Variants in DNAH9 observed in about 807,000 individuals in gnomAD.
The protein encoded by DNAH9 is dynein axonemal heavy chain 9.
In DNAH9, 345 loss-of-function variants were observed where a neutral mutation model predicts 471.6. The observed-to-expected ratio is 0.73, with a 90% CI of 0.67 to 0.80. The LOEUF is 0.80. Among genes scored for constraint, DNAH9 ranks in the 30% least tolerant of loss-of-function variants. The pLI is 0.00. For synonymous variants in DNAH9, 2,093 were observed against 2,123.6 expected (o/e 0.99, Z 0.40); for missense variants, 5,407 against 5,609.2 (o/e 0.96, Z 1.15).
chr17:11,827,943 T>C (rs1488302208), intron 48 of DNAH9, among the ~76,000 whole-genome samples: 7 of 152,020 alleles, frequency 4.6e-5, no homozygotes, highest in Non-Finnish European at 1.0e-4. Context: ...CCTTGGTTCT[T>C]TTTACTCTCC....
chr17:11,619,768 T>G lies in DNAH9; in HGVS notation c.1337T>G (p.Leu446Arg). ...FVRLDGFLGQ[L>R]HVVEGLLKTA... ...CGATTGGATGGCTTCCTGGGACAACTGCACGTGGTGGAGGTGAGTGCGCAC... is the reference window on the plus strand; with the variant it reads ...CGATTGGATGGCTTCCTGGGACAACGGCACGTGGTGGAGGTGAGTGCGCAC... Residue 446 changes from leucine to arginine, a missense_variant, in exon 6 of 69, where the codon CTG becomes CGG. Leu to Arg is a moderately radical substitution (Grantham distance 102, BLOSUM62 -2). Around this residue, in one of 3 missense-constraint regions of DNAH9, gnomAD observed 767 missense variants for 692.5 expected, o/e 1.11. Transcript: ENST00000262442. 6.2e-7 allele frequency: 1 copy of G among 1,606,616 alleles called. No homozygotes were observed. The highest frequency in any genetic ancestry group is 8.5e-7 in the Non-Finnish European group (1 of 1,173,194).
intron 38 of DNAH9, among the ~76,000 whole-genome samples, chr17:11,778,919 T>C (rs1968565859): frequency 6.6e-6 from 1 of 151,934 alleles, no homozygotes; most frequent in African/African-American, 2.4e-5. Context: ...GGCAGGAGAA[T>C]TGCTTGAACC....
intron 42 of DNAH9, 104 bp from the exon 43 acceptor site, chr17:11,797,493 C>T (rs146723555): frequency 3.3e-6 from 3 of 899,062 alleles, no homozygotes; most frequent in African/African-American, 3.4e-5. Context: ...AGCACTGATG[C>T]CTAATTTCCA....
chr17:11,704,942 G>A, intron 25 of DNAH9, 83 bp from the exon 26 acceptor site: 1 of 1,128,304 alleles, frequency 8.9e-7, no homozygotes, highest in Non-Finnish European at 1.3e-6. Context: ...AACAGCCAAG[G>A]CATCAGACCC....
chr17:11,662,638 C>T (rs995529932), intron 14 of DNAH9, among the ~76,000 whole-genome samples: 1 of 147,258 alleles, frequency 6.8e-6, no homozygotes, highest in African/African-American at 2.4e-5. Context: ...TGTTGGAGGC[C>T]ACTTGAATGC....
chr17:11,712,008 ATATATT>A (rs1567740654), intron 26 of DNAH9, among the ~76,000 whole-genome samples: 1 of 18,524 alleles, frequency 5.4e-5, no homozygotes, highest in Admixed American at 1.2e-3. Flanking sequence ...ATATTTGTAT[ATATATT>A]TATATATAAA....
chr17:11,748,388 T>C (rs1966988234), intron 32 of DNAH9, among the ~76,000 whole-genome samples: 1 of 152,146 alleles, frequency 6.6e-6, no homozygotes, highest in Non-Finnish European at 1.5e-5. Flanking sequence ...CTCTGGAGTA[T>C]GAGCCGTGGT....
intron 6 of DNAH9, among the ~76,000 whole-genome samples, chr17:11,620,977 A>G (rs58530114): frequency 0.015 from 2,292 of 152,302 alleles, 66 homozygotes; most frequent in African/African-American, 0.053. Flanking sequence ...TTCAATTCTC[A>G]AAACTTAATA....
At chr17:11,837,944 C>T (rs1970901304) in intron 49 of DNAH9, among the ~76,000 whole-genome samples, 1 of 152,176 alleles carries the variant, frequency 6.6e-6, no homozygotes, top group African/African-American at 2.4e-5. Context: ...TGGTTCCCCA[C>T]TCTTCTTTCA....
chr17:11,875,543 A>T (rs2150989467), intron 53 of DNAH9, among the ~76,000 whole-genome samples: 1 of 152,302 alleles, frequency 6.6e-6, no homozygotes, highest in South Asian at 2.1e-4. Context: ...CCTTAGCTAA[A>T]GCTGCCTCCC....
At chr17:11,678,097 C>A (rs1457430603) in intron 17 of DNAH9, among the ~76,000 whole-genome samples, 1 of 151,794 alleles carries the variant, frequency 6.6e-6, no homozygotes, top group African/African-American at 2.4e-5. Context: ...GCTCTGTCGC[C>A]CAGGCTGGAG....
At chr17:11,774,602 C>T (rs1363502455) in intron 38 of DNAH9, among the ~76,000 whole-genome samples, 1 of 152,114 alleles carries the variant, frequency 6.6e-6, no homozygotes, top group African/African-American at 2.4e-5. Flanking sequence ...ACAGGAAACC[C>T]GTCCTCATGA....
intron 68 of DNAH9, among the ~76,000 whole-genome samples, chr17:11,969,065 G>T (rs1462232993): frequency 6.6e-6 from 1 of 152,184 alleles, no homozygotes; most frequent in Non-Finnish European, 1.5e-5. Flanking sequence ...ATTTGTATAT[G>T]ATAATAGCTT....
chr17:11,725,259 C>T (rs1287578931), intron 27 of DNAH9, among the ~76,000 whole-genome samples: 1 of 152,198 alleles, frequency 6.6e-6, no homozygotes, highest in Admixed American at 6.5e-5. Context: ...CTGGAACTTC[C>T]ATCACCTCCT....
At chr17:11,899,899 A>G (rs1973349383) in intron 59 of DNAH9, among the ~76,000 whole-genome samples, 2 of 152,198 alleles carry the variant, frequency 1.3e-5, no homozygotes, top group African/African-American at 4.8e-5. Flanking sequence ...AAGGCGTACA[A>G]AGAGGCCTAC....
intron 50 of DNAH9, among the ~76,000 whole-genome samples, chr17:11,860,150 G>A (rs1290825017): frequency 6.6e-6 from 1 of 152,158 alleles, no homozygotes; most frequent in East Asian, 1.9e-4. Context: ...CTGTGAACGT[G>A]TCTATATTGT....
chr17:11,964,280 G>A (rs1976500486), intron 68 of DNAH9, among the ~76,000 whole-genome samples: 1 of 152,116 alleles, frequency 6.6e-6, no homozygotes, highest in East Asian at 1.9e-4. Flanking sequence ...CCTAGAGCAA[G>A]CCACAGCTAT....
intron 5 of DNAH9, among the ~76,000 whole-genome samples, 183 bp downstream of exon 5, chr17:11,617,805 A>G (rs774522802): frequency 6.6e-6 from 1 of 152,194 alleles, no homozygotes; most frequent in Non-Finnish European, 1.5e-5. Context: ...CATTTTCAGT[A>G]ATATTAGAAC....
intron 67 of DNAH9, among the ~76,000 whole-genome samples, chr17:11,948,364 A>G (rs1202855344): frequency 1.3e-5 from 2 of 150,574 alleles, no homozygotes; most frequent in Non-Finnish European, 2.9e-5. Context: ...AAGTAGCTGG[A>G]ATTACAGGTG....
Sources: gnomAD v4.1 joint callset for allele counts (sites outside exome capture counted in the v4.1 genomes callset) on GRCh38, gnomAD v4.1.1 for gene constraint, gnomAD v4.1.1 regional missense constraint, MANE v1.5 for transcripts, NCBI Gene and HGNC (gene_info 2026-07-23, HGNC 2026-07-21) for gene names.